WWC2: variants seen among roughly 807,000 people sequenced by gnomAD.
WWC2 encodes WW and C2 domain containing 2.
Under a neutral mutation model 138.5 loss-of-function variants are expected in WWC2, and 101 were observed. That is an observed-to-expected ratio of 0.73 (90% confidence interval 0.62 to 0.86). The LOEUF (loss-of-function observed/expected upper bound fraction) is 0.86. WWC2 is among the 40% of genes least tolerant of loss of function. The pLI, the probability that WWC2 is intolerant of heterozygous loss-of-function variation, is 0.00. For synonymous variants in WWC2, 558 were observed against 538.4 expected, an observed-to-expected ratio of 1.04 and a Z score of -0.50; for missense variants, 1,420 against 1,419.4, an observed-to-expected ratio of 1.00 and a Z score of -0.01.
intron 1 of WWC2, among the ~76,000 whole-genome samples, chr4:183,141,947 CA>C (rs1007080076): frequency 2.6e-5 from 4 of 152,134 alleles, no homozygotes; most frequent in Non-Finnish European, 2.9e-5. Flanking sequence ...TAGACTATAG[CA>C]GGGGACATGT....
Position 183,261,041 on chromosome 4 carries a change from G to T in WWC2, c.1418G>T (p.Ser473Ile). 6.2e-7 allele frequency: 1 copy of T among 1,614,014 alleles called. No individual in the cohort carries two copies. Among genetic ancestry groups the T allele is most frequent in the Non-Finnish European group, 8.5e-7 (1 of 1,179,902 alleles). ...AGTTCCACCGAACTCTATTACAGCA[G>T]TCAAAGTGATCAGATAGATGTGGAT... is the stretch of plus-strand genomic sequence containing the variant. ...SLSSTELYYS[S>I]QSDQIDVDYQ... Residue 473 changes from serine (S) to isoleucine (I), a missense_variant, in exon 11 of 23, where the codon AGT becomes ATT. Physicochemically the swap from Ser to Ile is moderately radical, Grantham distance 142. Coordinates refer to ENST00000403733, the MANE Select transcript of WWC2 (RefSeq NM_024949.6).
chr4:183,101,906 T>C (rs534713442), intron 1 of WWC2, among the ~76,000 whole-genome samples: 2 of 152,364 alleles, frequency 1.3e-5, no homozygotes, highest in South Asian at 2.1e-4. Flanking sequence ...TTTTATGTTA[T>C]TCTGTTAAGG....
At chr4:183,104,136 G>GT (rs201233698) in intron 1 of WWC2, among the ~76,000 whole-genome samples, 4 of 151,674 alleles carry the variant, frequency 2.6e-5, no homozygotes, top group South Asian at 2.1e-4. Context: ...ATTTTTCGTA[G>GT]TTTTTTTTAG....
chr4:183,279,221 C>T (rs1737980321), intron 16 of WWC2, among the ~76,000 whole-genome samples: 2 of 152,036 alleles, frequency 1.3e-5, no homozygotes, highest in Non-Finnish European at 2.9e-5. Flanking sequence ...TTTTCTGCAT[C>T]TATTGAGATA....
intron 4 of WWC2, among the ~76,000 whole-genome samples, chr4:183,220,630 T>G (rs13125012): frequency 2.6e-4 from 39 of 151,320 alleles, no homozygotes; most frequent in East Asian, 2.5e-3. Flanking sequence ...GTCAGGAGAT[T>G]GAGACCATCC....
intron 1 of WWC2, among the ~76,000 whole-genome samples, chr4:183,133,577 A>G (rs1371461040): frequency 6.6e-6 from 1 of 152,036 alleles, no homozygotes; most frequent in Non-Finnish European, 1.5e-5. Context: ...GCTCACTGCA[A>G]CCTCTGCCTT....
At chr4:183,194,647 AG>A (rs1199277244) in intron 2 of WWC2, among the ~76,000 whole-genome samples, 5 of 152,178 alleles carry the variant, frequency 3.3e-5, no homozygotes, top group Non-Finnish European at 7.3e-5. Flanking sequence ...GATGGCTTGC[AG>A]CTGCCCTTGT....
At chr4:183,239,672 C>T (rs1193580052) in intron 4 of WWC2, among the ~76,000 whole-genome samples, 1 of 152,068 alleles carries the variant, frequency 6.6e-6, no homozygotes, top group African/African-American at 2.4e-5. Flanking sequence ...TAAAACAGAG[C>T]CGTGGCAGGG....
chr4:183,205,530 G>T (rs574362358), intron 2 of WWC2, among the ~76,000 whole-genome samples: 2 of 152,160 alleles, frequency 1.3e-5, no homozygotes, highest in African/African-American at 4.8e-5. Flanking sequence ...TAACATTATA[G>T]TGGATGCTAG....
At chr4:183,157,404 A>G (rs1308835397) in intron 1 of WWC2, among the ~76,000 whole-genome samples, 1 of 152,116 alleles carries the variant, frequency 6.6e-6, no homozygotes, top group African/African-American at 2.4e-5. Context: ...CTGTTGAGGG[A>G]TGTCTGCCAG....
Position 183,284,397 on chromosome 4 carries a change from T to A in WWC2, c.3048+7T>A. On this transcript the variant is annotated splice_region_variant and intron_variant, in intron 19 of 22. Coordinates refer to ENST00000403733, the MANE Select transcript of WWC2 (RefSeq NM_024949.6). Reference sequence around the variant, plus strand: ...GAACCAGTACATCTGCAGGGTAAGGTGGCAGTGCTCGTGGTGAGGCGCTGG... The same window carrying A: ...GAACCAGTACATCTGCAGGGTAAGGAGGCAGTGCTCGTGGTGAGGCGCTGG... 11 of 1,609,738 alleles carry A rather than the reference T, an allele frequency of 6.8e-6. No homozygotes were observed. Among genetic ancestry groups the A allele is most frequent in the Non-Finnish European group, 9.3e-6 (11 of 1,179,134 alleles).
At chr4:183,215,981 C>A (rs535751362) in intron 4 of WWC2, among the ~76,000 whole-genome samples, 1 of 152,298 alleles carries the variant, frequency 6.6e-6, no homozygotes, top group South Asian at 2.1e-4. Flanking sequence ...CTACAAAGCT[C>A]ATTTGCTCAT....
chr4:183,270,479 T>G (rs149837181), intron 15 of WWC2, among the ~76,000 whole-genome samples: 68 of 152,166 alleles, frequency 4.5e-4, no homozygotes, highest in South Asian at 2.1e-3. Flanking sequence ...AGAAGTACTA[T>G]GAGGCCGGGT....
intron 14 of WWC2, among the ~76,000 whole-genome samples, chr4:183,267,039 T>A (rs1161277025): frequency 6.6e-6 from 1 of 151,994 alleles, no homozygotes; most frequent in Non-Finnish European, 1.5e-5. Flanking sequence ...CTTTCTTTTT[T>A]TTTTTTTAAG....
intron 1 of WWC2, among the ~76,000 whole-genome samples, chr4:183,118,247 G>A (rs964876039): frequency 4.6e-5 from 7 of 152,218 alleles, no homozygotes; most frequent in Non-Finnish European, 8.8e-5. Context: ...AATAGGAAGT[G>A]ATAGAAATTC....
intron 4 of WWC2, among the ~76,000 whole-genome samples, chr4:183,235,987 A>C (rs1348564865): frequency 1.3e-5 from 2 of 152,214 alleles, no homozygotes; most frequent in Non-Finnish European, 1.5e-5. Context: ...AAATGGGTTC[A>C]ATATCATCCT....
rs755704942 is a variant in WWC2 at position 183,282,791 on chromosome 4, C to T, written c.2768C>T (p.Thr923Ile). 5 of 1,584,240 alleles carry T rather than the reference C, an allele frequency of 3.2e-6. No individual in the cohort carries two copies. The South Asian group carries it at 5.8e-5, about 18-fold the overall frequency. ...EVKLPEDSSC[T>I]EDLSSCTSVP... ...AAATTGCCAGAGGACAGTAGCTGTA[C>T]AGAAGATTTAAGTTCATGCACTAGT... The change falls in exon 18 of 23, where the codon ACA becomes ATA. Residue 923 changes from threonine (T) to isoleucine (I), a missense_variant. Thr to Ile is a moderately conservative substitution (Grantham distance 89, BLOSUM62 -1). Transcript: ENST00000403733.
chr4:183,151,566 G>A (rs1347474174), intron 1 of WWC2, among the ~76,000 whole-genome samples: 4 of 152,158 alleles, frequency 2.6e-5, no homozygotes, highest in Middle Eastern at 3.2e-3. Context: ...TGTCAATTTT[G>A]GCTTTTGTTG....
intron 1 of WWC2, among the ~76,000 whole-genome samples, chr4:183,152,932 A>G (rs72697308): frequency 0.072 from 11,026 of 152,174 alleles, 734 homozygotes; most frequent in African/African-American, 0.17. Flanking sequence ...TTCTTGCTCT[A>G]TCAGCTAGGC....
Sources: gnomAD v4.1 joint callset for allele counts (sites outside exome capture counted in the v4.1 genomes callset) on GRCh38, gnomAD v4.1.1 for gene constraint, MANE v1.5 for transcripts, NCBI Gene and HGNC (gene_info 2026-07-23, HGNC 2026-07-21) for gene names.